Variants in OSBP2 observed in about 807,000 individuals in gnomAD.
The protein encoded by OSBP2 is oxysterol binding protein 2.
A neutral mutation model predicts 96.0 loss-of-function variants in OSBP2; 66 were observed. That is an observed-to-expected ratio of 0.69 (90% CI 0.56 to 0.84). The LOEUF (loss-of-function observed/expected upper bound fraction) is 0.84, where lower values mean the gene tolerates loss of function less well. Ranked by LOEUF, OSBP2 falls within the 40% of genes least tolerant of loss-of-function variation. OSBP2 has a pLI of 0.00. For missense variants in OSBP2, 1,038 were observed against 1,222.7 expected (o/e 0.85, Z 2.25); for synonymous variants, 525 against 520.9 (o/e 1.01, Z -0.11).
chr22:30,886,687 C>T (rs150654023), intron 3 of OSBP2, among the ~76,000 whole-genome samples: 2 of 152,224 alleles, frequency 1.3e-5, no homozygotes, highest in African/African-American at 4.8e-5. Context: ...AAGTAAGTCA[C>T]GATATATAGG....
At chr22:30,853,834 T>C (rs1213307513) in intron 2 of OSBP2, among the ~76,000 whole-genome samples, 1 of 151,738 alleles carries the variant, frequency 6.6e-6, no homozygotes, top group East Asian at 1.9e-4. Flanking sequence ...AATGGTGCCA[T>C]CTCAGCTCTG....
At chr22:30,845,752 C>T (rs977147034) in intron 2 of OSBP2, among the ~76,000 whole-genome samples, 4 of 151,188 alleles carry the variant, frequency 2.6e-5, no homozygotes, top group Admixed American at 6.6e-5. Context: ...TGTGGTGGCA[C>T]GTGCCTGTAA....
chr22:30,713,571 C>T (rs1774815910), intron 1 of OSBP2, among the ~76,000 whole-genome samples: 1 of 151,964 alleles, frequency 6.6e-6, no homozygotes, highest in Non-Finnish European at 1.5e-5. Flanking sequence ...AGTGATCCTC[C>T]CACCTCAGCC....
chr22:30,705,585 G>C (rs111663577), intron 1 of OSBP2, among the ~76,000 whole-genome samples: 1 of 152,004 alleles, frequency 6.6e-6, no homozygotes, highest in Admixed American at 6.6e-5. Flanking sequence ...GAGCTACCGC[G>C]TCTGGCCTCC....
Position 30,813,341 on chromosome 22 carries a change from T to G in OSBP2, c.854-57088T>G, listed in dbSNP as rs189884768. On this transcript the variant is annotated intron_variant, in intron 2 of 13. Transcript: ENST00000332585. ...GGTGCACACCACCATGCCTGACTAA[T>G]TTTTGTATTTTTAGTGGAGATGAGC... Among the ~76,000 whole-genome samples, 64 of 151,982 alleles carry G rather than the reference T, an allele frequency of 4.2e-4. 1 individual carries two copies. The highest frequency in any genetic ancestry group is 4.2e-3 in the Admixed American group (64 of 15,242).
intron 2 of OSBP2, among the ~76,000 whole-genome samples, chr22:30,776,596 T>G (rs1273520313): frequency 6.6e-6 from 1 of 152,150 alleles, no homozygotes; most frequent in Non-Finnish European, 1.5e-5. Flanking sequence ...GCTCACTTTT[T>G]TTTTTTTCCT....
intron 2 of OSBP2, among the ~76,000 whole-genome samples, chr22:30,868,107 C>T (rs929034396): frequency 3.9e-5 from 6 of 152,236 alleles, no homozygotes; most frequent in African/African-American, 1.4e-4. Context: ...ACGGGGTCTT[C>T]GCAGGCATTA....
At chr22:30,853,981 G>C (rs1198435303) in intron 2 of OSBP2, among the ~76,000 whole-genome samples, 1 of 151,936 alleles carries the variant, frequency 6.6e-6, no homozygotes, top group Non-Finnish European at 1.5e-5. Flanking sequence ...GGATGGTCTC[G>C]ATCTCCTGAC....
At chr22:30,695,850 G>A (rs895834660) in intron 1 of OSBP2, among the ~76,000 whole-genome samples, 3 of 152,156 alleles carry the variant, frequency 2.0e-5, no homozygotes, top group Non-Finnish European at 4.4e-5. Context: ...CTTGGCAGTT[G>A]TGGGGCTTGG....
intron 2 of OSBP2, among the ~76,000 whole-genome samples, chr22:30,832,149 C>T (rs373496676): frequency 2.0e-5 from 3 of 152,144 alleles, no homozygotes; most frequent in African/African-American, 7.2e-5. Flanking sequence ...CCCACCATCC[C>T]TCTCTGCCCT....
intron 2 of OSBP2, among the ~76,000 whole-genome samples, chr22:30,754,651 G>A (rs1250400050): frequency 2.0e-5 from 3 of 152,136 alleles, no homozygotes; most frequent in African/African-American, 4.8e-5. Context: ...TGTCACCCCC[G>A]AGGGCTCTCC....
intron 1 of OSBP2, among the ~76,000 whole-genome samples, chr22:30,696,308 G>T (rs370133018): frequency 6.6e-6 from 1 of 152,128 alleles, no homozygotes; most frequent in African/African-American, 2.4e-5. Flanking sequence ...CTGCTTCCTG[G>T]GGATGGTTGG....
intron 1 of OSBP2, among the ~76,000 whole-genome samples, chr22:30,724,299 C>G (rs1027306075): frequency 2.0e-5 from 3 of 152,152 alleles, no homozygotes; most frequent in Non-Finnish European, 4.4e-5. Context: ...CTCACTGCAA[C>G]CTCCATCTTC....
At chr22:30,720,965 CTGTA>C (rs2089539523) in intron 1 of OSBP2, among the ~76,000 whole-genome samples, 1 of 152,150 alleles carries the variant, frequency 6.6e-6, no homozygotes, top group African/African-American at 2.4e-5. Flanking sequence ...TGGCTCACGC[CTGTA>C]ATCCCAACAC....
At chr22:30,721,802 A>G (rs964933953) in intron 1 of OSBP2, among the ~76,000 whole-genome samples, 6 of 152,166 alleles carry the variant, frequency 3.9e-5, no homozygotes, top group African/African-American at 1.4e-4. Flanking sequence ...TTGGAGTTAA[A>G]TGTTTCCTTA....
At position 30,905,968 on chromosome 22, in the gene OSBP2, AG is replaced by A; in HGVS notation, c.2509del (p.Ala837ProfsTer52). On this transcript the variant is annotated frameshift_variant, in exon 13 of 14. Transcript: ENST00000332585. LOFTEE classifies it high-confidence loss of function. ...QRLMEKGRWD[E>X]ANTEKQRLEE... ...CTGATGGAGAAGGGCCGTTGGGACG[AG>A]GCCAATACCGAGAAGCAGCGGCTGG... The A allele has an allele frequency of 1.2e-6, 2 of 1,609,296 alleles. No individual in the cohort carries two copies. The highest frequency in any genetic ancestry group is 1.7e-6 in the Non-Finnish European group (2 of 1,178,236).
At chr22:30,748,384 T>C (rs2090033979) in intron 2 of OSBP2, among the ~76,000 whole-genome samples, 2 of 152,092 alleles carry the variant, frequency 1.3e-5, no homozygotes, top group South Asian at 2.1e-4. Context: ...ACTAAAAAAC[T>C]TCCAAGACCC....
At chr22:30,694,267 T>C (rs1451945096), upstream of OSBP2, 3 of 1,549,788 alleles carry the variant, frequency 1.9e-6, no homozygotes, top group East Asian at 7.3e-5. Flanking sequence ...GTAGGCCAGC[T>C]GGCTCAGGAG....
At chr22:30,769,898 T>C (rs960205902) in intron 2 of OSBP2, among the ~76,000 whole-genome samples, 3 of 152,042 alleles carry the variant, frequency 2.0e-5, no homozygotes, top group Admixed American at 2.0e-4. Flanking sequence ...TCACCTTGAA[T>C]TGTAATAATT....
Sources: allele counts gnomAD v4.1 joint callset (sites outside exome capture counted in the v4.1 genomes callset), GRCh38; gene constraint gnomAD v4.1.1; transcripts MANE v1.5; gene names NCBI Gene and HGNC (gene_info 2026-07-23, HGNC 2026-07-21).